The following THEM4 variants were observed in gnomAD, a reference collection of about 807,000 sequenced individuals.
THEM4 encodes the protein acyl-coenzyme A thioesterase THEM4.
A neutral mutation model predicts 25.0 loss-of-function variants in THEM4; 22 were observed. That is an observed-to-expected ratio of 0.88 (90% CI 0.63 to 1.26). The LOEUF is 1.26. THEM4 is among the 50% of genes most tolerant of loss of function. THEM4 has a pLI of 0.00. For synonymous variants in THEM4, 113 were observed against 105.6 expected, an observed-to-expected ratio of 1.07 and a Z score of -0.43; for missense variants, 286 against 300.3, an observed-to-expected ratio of 0.95 and a Z score of 0.35.
At chr1:151,881,044 C>T (rs1653800919) in intron 4 of THEM4, among the ~76,000 whole-genome samples, 1 of 152,002 alleles carries the variant, frequency 6.6e-6, no homozygotes, top group African/African-American at 2.4e-5. Flanking sequence ...TCATTCTCTC[C>T]ACTGAAAAAT....
intron 1 of THEM4, among the ~76,000 whole-genome samples, chr1:151,904,877 A>G (rs573255932): frequency 1.3e-5 from 2 of 152,316 alleles, no homozygotes; most frequent in East Asian, 3.9e-4. Context: ...GAGAGAAAAC[A>G]GGAGTGTAAC....
At chr1:151,899,662 A>C (rs1281103394) in intron 1 of THEM4, among the ~76,000 whole-genome samples, 2 of 152,212 alleles carry the variant, frequency 1.3e-5, no homozygotes, top group Admixed American at 1.3e-4. Flanking sequence ...GATTTTGTTA[A>C]ACTACCAAAC....
At chr1:151,899,566 C>T (rs1400170759) in intron 1 of THEM4, among the ~76,000 whole-genome samples, 1 of 150,826 alleles carries the variant, frequency 6.6e-6, no homozygotes, top group East Asian at 1.9e-4. Flanking sequence ...ATTTTGGACA[C>T]ACTTTTAGAA....
At chr1:151,882,284 G>A (rs903550395) in intron 4 of THEM4, among the ~76,000 whole-genome samples, 1 of 151,502 alleles carries the variant, frequency 6.6e-6, no homozygotes, top group Non-Finnish European at 1.5e-5. Context: ...GCTGAGGCAG[G>A]AGAATCGCTT....
At position 151,889,450 on chromosome 1, in the gene THEM4, C is replaced by G. The variant is rs1654042902; in HGVS notation, c.287-77G>C. ...CATGGCAGAGCCAAGCACCTGTACC[C>G]TGCTAGAATCACATGTCAATAGATG... On this transcript the variant is annotated intron_variant, in intron 2 of 5. Transcript: ENST00000368814. 4 of 1,419,730 alleles carry G rather than the reference C, an allele frequency of 2.8e-6. No homozygotes were observed. The African/African-American group carries it at 4.3e-5, about 15-fold the overall frequency. 87.9% of individuals were successfully genotyped at this position (1,419,730 alleles called of 1,614,324 possible).
rs1653541528 is a variant in THEM4, at chr1:151,871,103, T to C, written c.*3785A>G. ...ACTTTGGCAGGCTGAGGTGGGCAGA[T>C]CACTTGAGCCCAGGAGTTTGAGACC... On this transcript the variant is annotated 3_prime_UTR_variant, in exon 6 of 6. Transcript: ENST00000368814. Among the ~76,000 whole-genome samples, 1 of 151,798 alleles carries C rather than the reference T, an allele frequency of 6.6e-6. No homozygotes were observed. Among genetic ancestry groups the C allele is most frequent in the Non-Finnish European group, 1.5e-5 (1 of 67,964 alleles).
chr1:151,894,560 A>G (rs1258071974), intron 2 of THEM4, among the ~76,000 whole-genome samples: 1 of 152,180 alleles, frequency 6.6e-6, no homozygotes, highest in Non-Finnish European at 1.5e-5. Flanking sequence ...ACAGAAGGAT[A>G]GGAATTGCTA....
At position 151,907,377 on chromosome 1, in the gene THEM4, C is replaced by T. The variant is rs570587432; in HGVS notation, c.99+1983G>A. On this transcript the variant is annotated intron_variant, in intron 1 of 5. Transcript: ENST00000368814. ...AGTGAGACCAAGAACCCATCAATTC[C>T]GACACAGTATGTAATCCTGAATTAT... is the stretch of plus-strand genomic sequence containing the variant. Among the ~76,000 whole-genome samples the T allele has an allele frequency of 9.2e-5, 14 of 152,166 alleles. 1 individual carries two copies. The highest frequency in any genetic ancestry group is 3.3e-4 in the Admixed American group (5 of 15,282).
chr1:151,877,023 C>A lies in THEM4; in HGVS notation c.660G>T (p.Lys220Asn), dbSNP rs758551899. 21 of 1,612,894 alleles carry A rather than the reference C, an allele frequency of 1.3e-5. No individual in the cohort carries two copies. The highest frequency in any genetic ancestry group is 1.7e-5 in the Non-Finnish European group (20 of 1,179,574). ...VSCNVQSVDE[K>N]TLYSEATSLF... ...TACTTGTCGCCTCTGAGTATAGGGT[C>A]TTCTCATCAACACTCTGAACATTAC... The change falls in exon 5 of 6, where the codon AAG (lysine) becomes AAT (asparagine). Residue 220 changes from lysine to asparagine, a missense_variant. By Grantham distance (94) the Lys-to-Asn change is moderately conservative. Transcript: ENST00000368814.
rs115258906 is a variant in THEM4 at position 151,898,415 on chromosome 1, C to A, written c.100-3221G>T. Reference sequence around the variant, plus strand: ...ACCCGGGAATCTCACTGCCATCCCCCACAGAAGCTGCAGCAAGATCCCCCC... The same window carrying A: ...ACCCGGGAATCTCACTGCCATCCCCAACAGAAGCTGCAGCAAGATCCCCCC... On this transcript the variant is annotated intron_variant, in intron 1 of 5. Coordinates refer to ENST00000368814, the MANE Select transcript of THEM4 (RefSeq NM_053055.5). Among the ~76,000 whole-genome samples the A allele has an allele frequency of 4.6e-5, 7 of 152,278 alleles. No homozygotes were observed. In the East Asian group the frequency reaches 1.4e-3, roughly 29 times the overall value.
chr1:151,887,645 T>C (rs976982355), intron 4 of THEM4, among the ~76,000 whole-genome samples: 2 of 151,924 alleles, frequency 1.3e-5, no homozygotes, highest in Admixed American at 1.3e-4. Context: ...TTTTTGTTGT[T>C]GTTGTTTTTT....
Position 151,874,896 on chromosome 1 carries a change from G to C in THEM4, c.715C>G (p.Leu239Val). The change falls in exon 6 of 6, where the codon CTG becomes GTG. Residue 239 changes from leucine to valine, a missense_variant. Coordinates refer to ENST00000368814, the MANE Select transcript of THEM4 (RefSeq NM_053055.5). ...LFIKLNPAKS[L>V]T ...AGTTCACCAGCAGCTCTTTATGTCA[G>C]ACTTTTAGCAGGATTCAGCTTTATA... 6.2e-7 allele frequency: 1 copy of C among 1,613,788 alleles called. No homozygotes were observed. Among genetic ancestry groups the C allele is most frequent in the South Asian group, 1.1e-5 (1 of 91,074 alleles).
rs1421302836 is a variant in THEM4, at chr1:151,871,750, AAAACCTGGTC to A, written c.*3128_*3137del. On this transcript the variant is annotated 3_prime_UTR_variant, in exon 6 of 6. Coordinates refer to ENST00000368814, the MANE Select transcript of THEM4 (RefSeq NM_053055.5). ...GGAGGCAGGCATACTTAACATGAAG[AAAACCTGGTC>A]ATTTGGCACTCTTTCAGTTAGGTTC... 2.6e-5 allele frequency among the ~76,000 whole-genome samples: 4 copies of A among 151,590 alleles called. No individual in the cohort carries two copies. The highest frequency in any genetic ancestry group is 2.0e-4 in the Admixed American group (3 of 15,266).
chr1:151,903,542 T>C (rs543172983), intron 1 of THEM4, among the ~76,000 whole-genome samples: 1 of 152,362 alleles, frequency 6.6e-6, no homozygotes, highest in South Asian at 2.1e-4. Flanking sequence ...TGGAACATTA[T>C]GAATATAGCT....
chr1:151,900,955 A>G (rs534018684), intron 1 of THEM4, among the ~76,000 whole-genome samples: 1 of 152,388 alleles, frequency 6.6e-6, no homozygotes, highest in South Asian at 2.1e-4. Context: ...CTAAGCCACA[A>G]ACAATAGCAT....
chr1:151,872,519 A>G lies in THEM4; in HGVS notation c.*2369T>C, dbSNP rs1411910889. 1.3e-5 allele frequency among the ~76,000 whole-genome samples: 2 copies of G among 152,192 alleles called. No homozygotes were observed. The highest frequency in any genetic ancestry group is 3.9e-4 in the East Asian group (2 of 5,186). ...CAGAACATTAGTCTCTGTAGGGAAA[A>G]GAGAGATCAGACTGTTACTGTGTCT... On this transcript the variant is annotated 3_prime_UTR_variant, in exon 6 of 6. Coordinates refer to ENST00000368814, the MANE Select transcript of THEM4 (RefSeq NM_053055.5).
At chr1:151,900,351 T>C (rs1352118801) in intron 1 of THEM4, among the ~76,000 whole-genome samples, 1 of 152,156 alleles carries the variant, frequency 6.6e-6, no homozygotes. Context: ...ACATTGAATG[T>C]AAATGGCCTA....
At chr1:151,899,810 T>G (rs1028786134) in intron 1 of THEM4, among the ~76,000 whole-genome samples, 1 of 152,148 alleles carries the variant, frequency 6.6e-6, no homozygotes, top group East Asian at 1.9e-4. Context: ...AAAGAGCACC[T>G]GGGAAATTCA....
intron 4 of THEM4, among the ~76,000 whole-genome samples, chr1:151,885,515 T>G (rs563131441): frequency 1.3e-5 from 2 of 152,394 alleles, no homozygotes; most frequent in South Asian, 2.1e-4. Context: ...AAATCTTATT[T>G]ATTGTTTCTG....
Sources: gnomAD v4.1 joint callset for allele counts (sites outside exome capture counted in the v4.1 genomes callset) on GRCh38, gnomAD v4.1.1 for gene constraint, MANE v1.5 for transcripts, NCBI Gene and HGNC (gene_info 2026-07-23, HGNC 2026-07-21) for gene names.